Variants in ADSS1 observed in about 807,000 individuals in gnomAD.
The protein encoded by ADSS1 is adenylosuccinate synthase 1.
In ADSS1, 57 loss-of-function variants were observed where a neutral mutation model predicts 59.1. The observed-to-expected ratio is 0.97, with a 90% CI of 0.78 to 1.20. The LOEUF (loss-of-function observed/expected upper bound fraction) is 1.20. ADSS1 is among the 50% of genes most tolerant of loss of function. The pLI, the probability that ADSS1 is intolerant of heterozygous loss-of-function variation, is 0.00. For missense variants in ADSS1, 603 were observed against 610.3 expected (o/e 0.99, Z 0.13); for synonymous variants, 247 against 249.4 (o/e 0.99, Z 0.09).
intron 9 of ADSS1, among the ~76,000 whole-genome samples, chr14:104,742,649 G>A (rs4983541): frequency 0.17 from 26,270 of 152,270 alleles, 2,351 homozygotes; most frequent in Admixed American, 0.2. Context: ...ACGCCATCCA[G>A]AGAGGCTTGA....
At chr14:104,742,862 G>A (rs1043362975) in intron 9 of ADSS1, among the ~76,000 whole-genome samples, 3 of 152,126 alleles carry the variant, frequency 2.0e-5, no homozygotes, top group Non-Finnish European at 2.9e-5. Flanking sequence ...TGTGGGCCAG[G>A]CCTTGCCCAT....
In ADSS1 at chr14:104,730,264, C is replaced by T. The variant is rs559416399; in HGVS notation, c.193-4756C>T. The T allele has an allele frequency of 5.5e-5, 79 of 1,438,944 alleles. 1 individual carries two copies. The South Asian group carries it at 1.0e-3, about 18-fold the overall frequency. 89.1% of individuals were successfully genotyped at this position (1,438,944 alleles called of 1,614,324 possible). On this transcript the variant is annotated intron_variant, in intron 1 of 12. Transcript: ENST00000330877. ...ACTCCAGCACTTTGGGAGGCCGAGG[C>T]GAGCGGATCACTTAGGGTCAGGAGT...
chr14:104,738,298 A>G lies in ADSS1; in HGVS notation c.296-78A>G, dbSNP rs568613759. On this transcript the variant is annotated intron_variant, in intron 2 of 12. Coordinates refer to ENST00000330877, the MANE Select transcript of ADSS1 (RefSeq NM_152328.5). ...CAGGCATGAGCCACCGCACCCACCCATTTCATGCTGTTCTTAATGTATGTT... is the reference window on the plus strand; with the variant it reads ...CAGGCATGAGCCACCGCACCCACCCGTTTCATGCTGTTCTTAATGTATGTT... 12 of 1,515,078 alleles carry G rather than the reference A, an allele frequency of 7.9e-6. No individual in the cohort carries two copies. The African/African-American group carries it at 1.6e-4, about 21-fold the overall frequency. The allele number at this position is 1,515,078 out of a possible 1,614,324, so 93.9% of individuals were successfully genotyped here. A position where few individuals can be genotyped will look rare whatever the true frequency, so the allele number is the denominator to read the frequency against.
In ADSS1 at chr14:104,729,555, G is replaced by T. The variant is rs1388075974; in HGVS notation, c.192+5093G>T. Among the ~76,000 whole-genome samples, 378 of 132,760 alleles carry T rather than the reference G, an allele frequency of 2.8e-3. 27 individuals carry two copies. The highest frequency in any genetic ancestry group is 0.011 in the Middle Eastern group (3 of 272). 87.1% of individuals were successfully genotyped at this position (132,760 alleles called of 152,430 possible). On this transcript the variant is annotated intron_variant, in intron 1 of 12. Coordinates refer to ENST00000330877, the MANE Select transcript of ADSS1 (RefSeq NM_152328.5). Reference sequence around the variant, plus strand: ...GCGTCGTGGGGAGGAGCGTGGCGTCGGCGTGGTGGGGAGGAGCGTGGCGTC... The same window carrying T: ...GCGTCGTGGGGAGGAGCGTGGCGTCTGCGTGGTGGGGAGGAGCGTGGCGTC...
At chr14:104,725,759 C>A (rs1417844040) in intron 1 of ADSS1, among the ~76,000 whole-genome samples, 1 of 152,184 alleles carries the variant, frequency 6.6e-6, no homozygotes, top group Non-Finnish European at 1.5e-5. Context: ...TCTTCACCCT[C>A]CAGGGCGCCC....
chr14:104,729,470 G>A (rs955917573), intron 1 of ADSS1, among the ~76,000 whole-genome samples: 1 of 150,762 alleles, frequency 6.6e-6, no homozygotes, highest in Non-Finnish European at 1.5e-5. Context: ...CGTGTCAGCA[G>A]CATGGCGTCG....
chr14:104,734,499 A>G (rs1268476547), intron 1 of ADSS1, among the ~76,000 whole-genome samples: 7 of 152,190 alleles, frequency 4.6e-5, no homozygotes. Context: ...TCTCCCCACC[A>G]TCAGCAGGAA....
chr14:104,743,130 C>A lies in ADSS1; in HGVS notation c.1012C>A (p.Arg338Ser), dbSNP rs1289084888. The A allele has an allele frequency of 1.2e-6, 2 of 1,612,952 alleles. No individual in the cohort carries two copies. Among genetic ancestry groups the A allele is most frequent in the Non-Finnish European group, 1.7e-6 (2 of 1,179,996 alleles). ...GGGAGTGACCACAGGCAGGAAGAGG[C>A]GCTGCGGCTGGCTCGACCTGATGAT... ...EWGVTTGRKR[R>S]CGWLDLMILR... The change falls in exon 10 of 13, where the codon CGC (arginine) becomes AGC (serine). Residue 338 changes from arginine to serine, a missense_variant. Transcript: ENST00000330877.
chr14:104,730,161 G>A (rs1890869591), intron 1 of ADSS1: 4 of 1,541,788 alleles, frequency 2.6e-6, no homozygotes, highest in Non-Finnish European at 3.5e-6. Context: ...GGCCACACCT[G>A]CCTGCCCAGG....
In ADSS1 at chr14:104,741,745, G is replaced by A. The variant is rs745556613; in HGVS notation, c.794-103G>A. ...CGACCCCACGGAGGGGGCCCCCCAC[G>A]GTTTGAACTGCCCACTGCCCTTTAC... On this transcript the variant is annotated intron_variant, in intron 8 of 12. Coordinates refer to ENST00000330877, the MANE Select transcript of ADSS1 (RefSeq NM_152328.5). The A allele has an allele frequency of 1.4e-4, 205 of 1,485,964 alleles. 3 individuals carry two copies. The South Asian group carries it at 1.7e-3, about 12-fold the overall frequency. 92.0% of individuals were successfully genotyped at this position (1,485,964 alleles called of 1,614,324 possible). A position where few individuals can be genotyped will look rare whatever the true frequency, so the allele number is the denominator to read the frequency against.
At chr14:104,724,610 A>G (rs1348117532) in intron 1 of ADSS1, 148 bp downstream of exon 1, 3 of 1,067,256 alleles carry the variant, frequency 2.8e-6, no homozygotes, top group Non-Finnish European at 2.4e-6. Flanking sequence ...GGGCCACCCC[A>G]CCCACGCACG....
chr14:104,734,521 A>C (rs1891046321), intron 1 of ADSS1, among the ~76,000 whole-genome samples: 4 of 152,160 alleles, frequency 2.6e-5, no homozygotes, highest in Admixed American at 2.6e-4. Flanking sequence ...CCCCCCAGAG[A>C]GGGGAGCCTG....
intron 2 of ADSS1, chr14:104,737,611 A>G (rs1891181184): frequency 6.6e-6 from 1 of 152,452 alleles, no homozygotes; most frequent in South Asian, 2.1e-4. Context: ...TTTTGCATCC[A>G]TCACCACCAT....
At chr14:104,730,128 G>A (rs779359004) in intron 1 of ADSS1, 5 of 1,547,750 alleles carry the variant, frequency 3.2e-6, no homozygotes, top group Non-Finnish European at 4.4e-6. Flanking sequence ...AGGGCTTGGA[G>A]GAGCCACGGG....
chr14:104,745,069 C>A, intron 11 of ADSS1, 160 bp downstream of exon 11: 1 of 654,448 alleles, frequency 1.5e-6, no homozygotes, highest in Non-Finnish European at 2.6e-6. Context: ...GCTTTTGCCT[C>A]TCACGGGTTT....
At chr14:104,733,397 C>T (rs527444955) in intron 1 of ADSS1, among the ~76,000 whole-genome samples, 3 of 152,290 alleles carry the variant, frequency 2.0e-5, no homozygotes, top group Admixed American at 6.5e-5. Flanking sequence ...AGGGTGAGCC[C>T]CCTGCCTGGC....
At chr14:104,724,528 G>C in intron 1 of ADSS1, 66 bp downstream of exon 1, 1 of 1,196,416 alleles carries the variant, frequency 8.4e-7, no homozygotes, top group South Asian at 4.3e-5. Flanking sequence ...GACCCAGACG[G>C]CCCCTGTCCT....
Position 104,743,196 on chromosome 14 carries a change from G to A in ADSS1, c.1073+5G>A, listed in dbSNP as rs889816469. 2 of 1,609,404 alleles carry A rather than the reference G, an allele frequency of 1.2e-6. No homozygotes were observed. The highest frequency in any genetic ancestry group is 1.7e-6 in the Non-Finnish European group (2 of 1,179,806). On this transcript the variant is annotated splice_donor_5th_base_variant and intron_variant, in intron 10 of 12. Coordinates refer to ENST00000330877, the MANE Select transcript of ADSS1 (RefSeq NM_152328.5). ...CATGGTCAACGGATTCACTGCGTAA[G>A]CAACCCATGCTGCCATCCCCACTGG... is the stretch of plus-strand genomic sequence containing the variant.
At chr14:104,739,185 G>A (rs751429875) in intron 3 of ADSS1, 143 bp from the exon 4 acceptor site, 52 of 787,360 alleles carry the variant, frequency 6.6e-5, no homozygotes, top group Admixed American at 9.4e-5. Context: ...CGCTTGCTGC[G>A]CAACAGAGGT....
Sources: allele counts gnomAD v4.1 joint callset (sites outside exome capture counted in the v4.1 genomes callset), GRCh38; gene constraint gnomAD v4.1.1; transcripts MANE v1.5; gene names NCBI Gene and HGNC (gene_info 2026-07-23, HGNC 2026-07-21).